ANKS1A: variants seen among roughly 807,000 people sequenced by gnomAD.
ANKS1A encodes ankyrin repeat and sterile alpha motif domain containing 1A.
Under a neutral mutation model 120.3 loss-of-function variants are expected in ANKS1A, and 55 were observed. The observed-to-expected ratio is 0.46, with a 90% CI of 0.37 to 0.57. The LOEUF (loss-of-function observed/expected upper bound fraction) is 0.57. ANKS1A is among the 20% of genes least tolerant of loss of function. The probability of loss-of-function intolerance (pLI) is 0.00; values close to 1 mark genes in which losing one functional copy is unlikely to be tolerated. For synonymous variants in ANKS1A, 590 were observed against 604.7 expected (o/e 0.98, Z 0.36); for missense variants, 1,123 against 1,480.3 (o/e 0.76, Z 3.96).
rs116378539 is a variant in ANKS1A, at chr6:34,962,828, G to A, written c.198-4411G>A. Among the ~76,000 whole-genome samples the A allele has an allele frequency of 8.8e-3, 1,335 of 151,342 alleles. 26 individuals are homozygous for A. The highest frequency in any genetic ancestry group is 0.03 in the African/African-American group (1,229 of 41,366). ...ACAAAACAAACAAACAAAAACACCAGCGCACTTAGTGCTTTTTTCTTTCTT... is the reference window on the plus strand; with the variant it reads ...ACAAAACAAACAAACAAAAACACCAACGCACTTAGTGCTTTTTTCTTTCTT... On this transcript the variant is annotated intron_variant, in intron 1 of 23. Coordinates refer to ENST00000360359, the MANE Select transcript of ANKS1A (RefSeq NM_015245.3).
At chr6:34,971,208 A>G (rs1771167453) in intron 3 of ANKS1A, among the ~76,000 whole-genome samples, 1 of 152,214 alleles carries the variant, frequency 6.6e-6, no homozygotes, top group Non-Finnish European at 1.5e-5. Context: ...TGGAATGAAG[A>G]TCATTTCCAT....
At chr6:35,095,141 CAA>C (rs34813964), downstream of ANKS1A, among the ~76,000 whole-genome samples, 1,476 of 81,204 alleles carry the variant, frequency 0.018, 19 homozygotes, top group African/African-American at 0.066. Context: ...ACCCCCATCT[CAA>C]AAAAAAAAAA....
At chr6:35,087,862 G>A (rs1343994519) in intron 23 of ANKS1A, among the ~76,000 whole-genome samples, 3 of 152,236 alleles carry the variant, frequency 2.0e-5, no homozygotes, top group Admixed American at 6.5e-5. Flanking sequence ...TGGGTGGCAT[G>A]TGTGTGGACA....
At chr6:35,032,714 C>A (rs1774969978) in intron 11 of ANKS1A, among the ~76,000 whole-genome samples, 1 of 152,192 alleles carries the variant, frequency 6.6e-6, no homozygotes. Flanking sequence ...TCCTTCACCT[C>A]ACCCTTAAAT....
At chr6:35,000,200 C>G (rs193139468) in intron 10 of ANKS1A, among the ~76,000 whole-genome samples, 2 of 151,076 alleles carry the variant, frequency 1.3e-5, no homozygotes, top group Non-Finnish European at 2.9e-5. Flanking sequence ...CCCAGTAACC[C>G]GCAGATGGCC....
chr6:35,042,275 T>A (rs912863944), intron 11 of ANKS1A, among the ~76,000 whole-genome samples: 1 of 152,182 alleles, frequency 6.6e-6, no homozygotes, highest in African/African-American at 2.4e-5. Flanking sequence ...GAGGACGCAG[T>A]TGGAGGAATT....
At chr6:35,033,534 C>G (rs2127571810) in intron 11 of ANKS1A, among the ~76,000 whole-genome samples, 1 of 152,302 alleles carries the variant, frequency 6.6e-6, no homozygotes, top group African/African-American at 2.4e-5. Flanking sequence ...GGGTATTAAC[C>G]TAGGGGTCTG....
chr6:34,937,190 G>T (rs1769297195), intron 1 of ANKS1A, among the ~76,000 whole-genome samples: 1 of 152,120 alleles, frequency 6.6e-6, no homozygotes, highest in Admixed American at 6.5e-5. Context: ...TTGGATTCTG[G>T]TGGGGCGCAG....
At position 35,017,620 on chromosome 6, in the gene ANKS1A, G is replaced by T; in HGVS notation, c.1571G>T (p.Gly524Val). The stretch of plus-strand genomic sequence containing the variant: ...CCTTTCCAGCTGCTCTGTACCGCTG[G>T]CCAGAGCCATCCAGACGGGTCCCCC... ...QDPFQLLCTA[G>V]QSHPDGSPQQ... Residue 524 changes from glycine (G) to valine (V), a missense_variant, in exon 11 of 24, where the codon GGC becomes GTC. Gly to Val is a moderately radical substitution (Grantham distance 109). Transcript: ENST00000360359. 1 of 1,613,790 alleles carries T rather than the reference G, an allele frequency of 6.2e-7. No individual in the cohort carries two copies. The highest frequency in any genetic ancestry group is 2.2e-5 in the East Asian group (1 of 44,866).
intron 1 of ANKS1A, among the ~76,000 whole-genome samples, chr6:34,931,526 G>C (rs1196915306): frequency 6.6e-6 from 1 of 152,084 alleles, no homozygotes; most frequent in African/African-American, 2.4e-5. Context: ...TTTTTGCATA[G>C]AGGACCCCTA....
chr6:34,943,289 A>G (rs1408307697), intron 1 of ANKS1A, among the ~76,000 whole-genome samples: 4 of 152,158 alleles, frequency 2.6e-5, no homozygotes, highest in Non-Finnish European at 4.4e-5. Flanking sequence ...AAATTGCTCA[A>G]AAAGTACAGA....
chr6:35,009,902 TAAAAAAAAAAAAAAAA>T (rs530605297), intron 10 of ANKS1A: 1 of 74,358 alleles, frequency 1.3e-5, no homozygotes, highest in Non-Finnish European at 2.3e-5. Flanking sequence ...AGACTCTGTC[TAAAAAAAAAAAAAAAA>T]AAAAAAAAAA....
At chr6:34,906,561 C>T (rs2127453121) in intron 1 of ANKS1A, among the ~76,000 whole-genome samples, 1 of 152,242 alleles carries the variant, frequency 6.6e-6, no homozygotes, top group South Asian at 2.1e-4. Flanking sequence ...ATAAGTGGGG[C>T]AGAACAGACA....
At chr6:34,892,826 A>T (rs1581653558) in intron 1 of ANKS1A, among the ~76,000 whole-genome samples, 1 of 152,214 alleles carries the variant, frequency 6.6e-6, no homozygotes, top group Admixed American at 6.5e-5. Context: ...TAATGTTTAC[A>T]TATAGCAACC....
chr6:35,018,047 G>T lies in ANKS1A; in HGVS notation c.1998G>T (p.Ser666=), dbSNP rs763316726. 6.2e-7 allele frequency: 1 copy of T among 1,613,496 alleles called. No individual in the cohort carries two copies. The highest frequency in any genetic ancestry group is 8.5e-7 in the Non-Finnish European group (1 of 1,179,856). ...TAGAGAAGTCACCCTCCTTCGCCTC[G>T]GAGTGGGATGAGGTAAGGCCGACAT... The part of the protein sequence containing the change: ...KRLEKSPSFA[S]EWDEIEKIMS... Residue 666 remains serine (S), a synonymous_variant, in exon 11 of 24, where the codon TCG becomes TCT. Transcript: ENST00000360359.
chr6:34,948,859 AT>A (rs1300618687), intron 1 of ANKS1A, among the ~76,000 whole-genome samples: 1 of 152,222 alleles, frequency 6.6e-6, no homozygotes, highest in Non-Finnish European at 1.5e-5. Context: ...GGCAGGGAAG[AT>A]GATCAGAGAA....
At chr6:34,922,694 CTTT>C (rs61568974) in intron 1 of ANKS1A, among the ~76,000 whole-genome samples, 6 of 127,838 alleles carry the variant, frequency 4.7e-5, no homozygotes, top group African/African-American at 5.9e-5. Flanking sequence ...CTGGGCATTT[CTTT>C]TTTTTTTTTT....
downstream of ANKS1A, among the ~76,000 whole-genome samples, chr6:35,093,189 GT>G (rs1173018211): frequency 6.6e-6 from 1 of 152,046 alleles, no homozygotes; most frequent in African/African-American, 2.4e-5. Context: ...GGATTCGGCT[GT>G]TAGGAACACT....
At chr6:34,990,053 A>G (rs1282365210) in intron 9 of ANKS1A, among the ~76,000 whole-genome samples, 1 of 152,222 alleles carries the variant, frequency 6.6e-6, no homozygotes, top group East Asian at 1.9e-4. Context: ...AGCTCATTCA[A>G]TGCCCTATTC....
Sources: allele counts gnomAD v4.1 joint callset (sites outside exome capture counted in the v4.1 genomes callset), GRCh38; gene constraint gnomAD v4.1.1; transcripts MANE v1.5; gene names NCBI Gene and HGNC (gene_info 2026-07-23, HGNC 2026-07-21).